DLC1: variants seen among roughly 807,000 people sequenced by gnomAD.
DLC1 encodes the protein DLC1 Rho GTPase activating protein.
Under a neutral mutation model 140.3 loss-of-function variants are expected in DLC1, and 54 were observed. The ratio of observed to expected loss-of-function variants is 0.38; its 90% CI spans 0.31 to 0.48. DLC1 has a LOEUF of 0.48. DLC1 is among the 20% of genes least tolerant of loss of function. The probability of loss-of-function intolerance (pLI) is 0.96; values close to 1 mark genes in which losing one functional copy is unlikely to be tolerated. For synonymous variants in DLC1, 986 were observed against 728.1 expected, an observed-to-expected ratio of 1.35 and a Z score of -5.70; for missense variants, 2,536 against 1,907.0, an observed-to-expected ratio of 1.33 and a Z score of -6.14.
chr8:13,586,366 T>A (rs907473806), intron 1 of DLC1, among the ~76,000 whole-genome samples: 2 of 152,114 alleles, frequency 1.3e-5, no homozygotes, highest in African/African-American at 4.8e-5. Flanking sequence ...TAAGACTTGA[T>A]GACCGATTGA....
chr8:13,453,406 A>ATATATATATATATGTG (rs1799171674), intron 2 of DLC1, among the ~76,000 whole-genome samples: 1 of 44,706 alleles, frequency 2.2e-5, no homozygotes, highest in Non-Finnish European at 3.4e-5. Flanking sequence ...ATATATGTGT[A>ATATATATATATATGTG]TATATATATA....
chr8:13,523,535 A>G (rs913806243), intron 1 of DLC1, among the ~76,000 whole-genome samples: 2 of 152,230 alleles, frequency 1.3e-5, no homozygotes, highest in Non-Finnish European at 2.9e-5. Context: ...CTAGACAAAT[A>G]CATTTGGGAA....
At chr8:13,150,454 C>G (rs951387128) in intron 5 of DLC1, among the ~76,000 whole-genome samples, 1 of 151,994 alleles carries the variant, frequency 6.6e-6, no homozygotes, top group Non-Finnish European at 1.5e-5. Flanking sequence ...TTGCCCTTAA[C>G]AAGGAGCTAT....
chr8:13,409,446 T>G (rs1382016503), intron 2 of DLC1, among the ~76,000 whole-genome samples: 1 of 152,170 alleles, frequency 6.6e-6, no homozygotes, highest in Non-Finnish European at 1.5e-5. Flanking sequence ...AACGATAGGA[T>G]GTCTAGTTAT....
chr8:13,219,651 A>G (rs542379105), intron 5 of DLC1, among the ~76,000 whole-genome samples: 4 of 151,980 alleles, frequency 2.6e-5, no homozygotes, highest in South Asian at 4.1e-4. Context: ...GGAGATATCT[A>G]TATATCTATA....
Position 13,277,799 on chromosome 8 carries a change from T to C in DLC1, c.1348+27470A>G, listed in dbSNP as rs533064140. 2.0e-5 allele frequency among the ~76,000 whole-genome samples: 3 copies of C among 152,308 alleles called. No homozygotes were observed. The South Asian group carries it at 6.2e-4, about 32-fold the overall frequency. ...AGGCCAGTTCATAACCTTTGCAAGATGAGATAATGTTGTAAAAACACTTTG... is the reference window on the plus strand; with the variant it reads ...AGGCCAGTTCATAACCTTTGCAAGACGAGATAATGTTGTAAAAACACTTTG... On this transcript the variant is annotated intron_variant, in intron 5 of 17. Transcript: ENST00000276297.
chr8:13,295,938 C>CTTTTTTTTTTTTTTTTTTTTTT lies in DLC1; in HGVS notation c.1348+9330_1348+9331insAAAAAAAAAAAAAAAAAAAAAA, dbSNP rs34697767. Among the ~76,000 whole-genome samples, 5 of 53,344 alleles carry CTTTTTTTTTTTTTTTTTTTTTT rather than the reference C, an allele frequency of 9.4e-5. 2 individuals are homozygous for CTTTTTTTTTTTTTTTTTTTTTT. Among genetic ancestry groups the CTTTTTTTTTTTTTTTTTTTTTT allele is most frequent in the Non-Finnish European group, 1.5e-4 (4 of 27,138 alleles). 35.0% of individuals were successfully genotyped at this position (53,344 alleles called of 152,430 possible). A position where few individuals can be genotyped will look rare whatever the true frequency, so the allele number is the denominator to read the frequency against. ...ATCTAAGAGATGATCAGATAAGATT[C>CTTTTTTTTTTTTTTTTTTTTTT]TTTGTTTTTTTTTTTTTTTTTTTTT... On this transcript the variant is annotated intron_variant, in intron 5 of 17. Coordinates refer to ENST00000276297, the MANE Select transcript of DLC1 (RefSeq NM_182643.3).
chr8:13,121,550 C>T (rs1821070924), intron 5 of DLC1, among the ~76,000 whole-genome samples: 1 of 151,918 alleles, frequency 6.6e-6, no homozygotes, highest in Non-Finnish European at 1.5e-5. Flanking sequence ...GGGGAGTTTT[C>T]TTTTCTTTTC....
At chr8:13,533,138 T>A (rs1374661984) in intron 1 of DLC1, among the ~76,000 whole-genome samples, 1 of 151,946 alleles carries the variant, frequency 6.6e-6, no homozygotes, top group African/African-American at 2.4e-5. Flanking sequence ...AAAACCACCA[T>A]GAAGTAAAAC....
chr8:13,325,430 C>G (rs543280620), intron 4 of DLC1, among the ~76,000 whole-genome samples: 2 of 152,096 alleles, frequency 1.3e-5, no homozygotes, highest in East Asian at 3.9e-4. Flanking sequence ...TAAACATGTT[C>G]TGGGACAATA....
chr8:13,298,452 G>A (rs1433781777), intron 5 of DLC1, among the ~76,000 whole-genome samples: 2 of 152,260 alleles, frequency 1.3e-5, no homozygotes, highest in South Asian at 2.1e-4. Context: ...TATAGCCAGA[G>A]CATTTTTATA....
rs780481649 is a variant in DLC1 at position 13,088,594 on chromosome 8, G to C, written c.4185C>G (p.Asp1395Glu). 1 of 1,614,124 alleles carries C rather than the reference G, an allele frequency of 6.2e-7. No homozygotes were observed. Among genetic ancestry groups the C allele is most frequent in the Non-Finnish European group, 8.5e-7 (1 of 1,180,038 alleles). ...LLKEQHLWDV[D>E]LLDSKVIEIL... ...TTTCGATCACTTTTGAATCCAACAGGTCTACATCCCAGAGGTGCTGTTCTT... is the reference window on the plus strand; with the variant it reads ...TTTCGATCACTTTTGAATCCAACAGCTCTACATCCCAGAGGTGCTGTTCTT... Residue 1395 changes from aspartate to glutamate, a missense_variant, in exon 16 of 18, where the codon GAC (aspartate) becomes GAG (glutamate). By Grantham distance (45) the Asp-to-Glu change is conservative. Coordinates refer to ENST00000276297, the MANE Select transcript of DLC1 (RefSeq NM_182643.3).
At chr8:13,575,195 T>C (rs1416472219) in intron 1 of DLC1, among the ~76,000 whole-genome samples, 1 of 152,212 alleles carries the variant, frequency 6.6e-6, no homozygotes, top group Non-Finnish European at 1.5e-5. Context: ...CTGATTTTGA[T>C]GAGCCCACTG....
rs749356666 is a variant in DLC1, at chr8:13,457,466, C to G, written c.1023+41583G>C. Among the ~76,000 whole-genome samples, 102 of 151,766 alleles carry G rather than the reference C, an allele frequency of 6.7e-4. 1 individual carries two copies. The highest frequency in any genetic ancestry group is 1.1e-3 in the Non-Finnish European group (76 of 67,942). ...GGCCGAGGCAGGCAGATCATGAGGT[C>G]AAGAAATCAAGACCATCCTGGCCAA... On this transcript the variant is annotated intron_variant, in intron 2 of 17. Transcript: ENST00000276297.
At chr8:13,197,638 G>C (rs2117052487) in intron 5 of DLC1, among the ~76,000 whole-genome samples, 1 of 152,156 alleles carries the variant, frequency 6.6e-6, no homozygotes, top group East Asian at 1.9e-4. Context: ...GAGCCAGCGT[G>C]CCAGGCCGAT....
chr8:13,328,154 C>T (rs986764462), intron 4 of DLC1, among the ~76,000 whole-genome samples: 1 of 151,974 alleles, frequency 6.6e-6, no homozygotes, highest in Non-Finnish European at 1.5e-5. Flanking sequence ...AGCACCTATA[C>T]GTGGGTTTTA....
chr8:13,600,720 A>G (rs1805847026), intron 1 of DLC1, among the ~76,000 whole-genome samples: 1 of 151,822 alleles, frequency 6.6e-6, no homozygotes, highest in African/African-American at 2.4e-5. Flanking sequence ...TTTAAAGTAA[A>G]TCTTTTTTTT....
intron 5 of DLC1, among the ~76,000 whole-genome samples, chr8:13,116,661 T>G (rs567737990): frequency 6.6e-6 from 1 of 152,210 alleles, no homozygotes; most frequent in Admixed American, 6.5e-5. Flanking sequence ...AGTAACTTTA[T>G]GTTTTCAAAG....
At position 13,134,543 on chromosome 8, in the gene DLC1, G is replaced by A. The variant is rs554511687; in HGVS notation, c.1349-18886C>T. ...GAAGGGCACAATTTGTTTTTAAATG[G>A]GGCAAATACAAATAGGAGAATTTAG... On this transcript the variant is annotated intron_variant, in intron 5 of 17. Coordinates refer to ENST00000276297, the MANE Select transcript of DLC1 (RefSeq NM_182643.3). 1.6e-3 allele frequency among the ~76,000 whole-genome samples: 250 copies of A among 152,188 alleles called. 4 individuals carry two copies. The South Asian group carries it at 0.017, about 10-fold the overall frequency.
Sources: allele counts gnomAD v4.1 joint callset (sites outside exome capture counted in the v4.1 genomes callset), GRCh38; gene constraint gnomAD v4.1.1; transcripts MANE v1.5; gene names NCBI Gene and HGNC (gene_info 2026-07-23, HGNC 2026-07-21).